The following RIF1 variants were observed in gnomAD, a reference collection of about 807,000 sequenced individuals.
RIF1 encodes replication timing regulatory factor 1, also known as telomere-associated protein RIF1.
A neutral mutation model predicts 247.1 loss-of-function variants in RIF1; 45 were observed. The observed-to-expected ratio is 0.18, with a 90% CI of 0.14 to 0.23. RIF1 has a LOEUF of 0.23. Ranked by LOEUF, RIF1 falls within the 10% of genes least tolerant of loss-of-function variation. The pLI, the probability that RIF1 is intolerant of heterozygous loss-of-function variation, is 1.00. For missense variants in RIF1, 2,967 were observed against 2,862.5 expected, an observed-to-expected ratio of 1.04 and a Z score of -0.83; for synonymous variants, 1,087 against 978.8, an observed-to-expected ratio of 1.11 and a Z score of -2.06.
At position 151,476,093 on chromosome 2, in the gene RIF1, A is replaced by T. The variant is rs1293076574; in HGVS notation, c.*1022A>T. On this transcript the variant is annotated 3_prime_UTR_variant, in exon 36 of 36. Coordinates refer to ENST00000444746, the MANE Select transcript of RIF1 (RefSeq NM_018151.5). ...AAAATGTTACACAACTTTGCTGTTC[A>T]TACCCTTACCTTCTTACTACTTTTG... 1 of 152,204 alleles carries T rather than the reference A, an allele frequency of 6.6e-6. No homozygotes were observed. Among genetic ancestry groups the T allele is most frequent in the Non-Finnish European group, 1.5e-5 (1 of 68,012 alleles). 9.4% of individuals were successfully genotyped at this position (152,204 alleles called of 1,614,324 possible).
the RIF1 span, chr2:151,530,606 C>A: frequency 6.1e-6 from 1 of 163,732 alleles, no homozygotes; most frequent in Non-Finnish European, 1.3e-5. Flanking sequence ...AAAATCAGTA[C>A]CTCAGGATAT....
chr2:151,504,754 A>G (rs755139831), intron 12 of RIF1, among the ~76,000 whole-genome samples: 2 of 152,214 alleles, frequency 1.3e-5, no homozygotes, highest in Non-Finnish European at 2.9e-5. Context: ...GGGTGGGTGC[A>G]GAGCCAGGGC....
At chr2:151,504,199 A>G (rs554150754) in intron 12 of RIF1, among the ~76,000 whole-genome samples, 2 of 152,316 alleles carry the variant, frequency 1.3e-5, no homozygotes, top group South Asian at 4.1e-4. Context: ...GTATTAGTGC[A>G]TGGCGTGGGG....
intron 8 of RIF1, among the ~76,000 whole-genome samples, chr2:151,424,253 G>T (rs751493394): frequency 6.6e-5 from 10 of 152,110 alleles, no homozygotes; most frequent in Admixed American, 2.0e-4. Context: ...ACAGGCATGT[G>T]CCAGTATGTC....
intron 10 of RIF1, chr2:151,496,939 A>C: frequency 6.4e-7 from 1 of 1,568,390 alleles, no homozygotes; most frequent in Non-Finnish European, 8.7e-7. Context: ...TTGCCCAAGT[A>C]CCGAGCTAAT....
intron 20 of RIF1, among the ~76,000 whole-genome samples, chr2:151,446,976 C>A (rs1272524812): frequency 6.2e-5 from 9 of 145,870 alleles, no homozygotes; most frequent in African/African-American, 2.3e-4. Flanking sequence ...CGGAGTCTCG[C>A]TCTGTCGCCC....
At chr2:151,499,787 TC>T (rs1424999424) in intron 11 of RIF1, among the ~76,000 whole-genome samples, 3 of 152,208 alleles carry the variant, frequency 2.0e-5, no homozygotes, top group Admixed American at 1.3e-4. Flanking sequence ...ACAGGCCAAA[TC>T]TATGCAATAT....
chr2:151,506,440 A>G, intron 13 of RIF1: 1 of 567,556 alleles, frequency 1.8e-6, no homozygotes, highest in Non-Finnish European at 3.1e-6. Flanking sequence ...CCAGTTATAC[A>G]ACATGGATCT....
chr2:151,449,515 G>A (rs967620222), intron 20 of RIF1, among the ~76,000 whole-genome samples: 1 of 151,818 alleles, frequency 6.6e-6, no homozygotes, highest in African/African-American at 2.4e-5. Flanking sequence ...CTATTCACAG[G>A]CACCATGCAC....
At chr2:151,509,960 C>T (rs1353590132), downstream of RIF1, among the ~76,000 whole-genome samples, 1 of 152,192 alleles carries the variant, frequency 6.6e-6, no homozygotes, top group Non-Finnish European at 1.5e-5. Context: ...GAAATTATCA[C>T]CAGGCCAACT....
chr2:151,520,429 T>C, the RIF1 span, among the ~76,000 whole-genome samples: 8 of 152,238 alleles, frequency 5.3e-5, no homozygotes, highest in African/African-American at 1.9e-4. Context: ...TTAGTATACA[T>C]AAAAATAAGT....
Position 151,478,450 on chromosome 2 carries a change from C to T in RIF1, c.*3379C>T, listed in dbSNP as rs967542751. On this transcript the variant is annotated 3_prime_UTR_variant, in exon 36 of 36. Transcript: ENST00000444746. ...GCAGTGAGCCGAGATCATGCCATTG[C>T]GCGACAGAGCAAGTCTCTGTCTCGC... 16 of 149,744 alleles carry T rather than the reference C, an allele frequency of 1.1e-4. No individual in the cohort carries two copies. Among genetic ancestry groups the T allele is most frequent in the Admixed American group, 9.3e-4 (14 of 15,012 alleles). 9.3% of individuals were successfully genotyped at this position (149,744 alleles called of 1,614,324 possible).
At chr2:151,529,808 G>T in the RIF1 span, among the ~76,000 whole-genome samples, 1 of 152,168 alleles carries the variant, frequency 6.6e-6, no homozygotes, top group African/African-American at 2.4e-5. Flanking sequence ...GGGATTACAG[G>T]TGTGAGCCAC....
the RIF1 span, chr2:151,531,192 T>C: frequency 2.4e-6 from 2 of 824,282 alleles, no homozygotes; most frequent in Admixed American, 4.2e-5. Context: ...TGAGTGAATA[T>C]AAAGGAAAGA....
the RIF1 span, chr2:151,527,336 C>A: frequency 1.4e-6 from 1 of 723,144 alleles, no homozygotes; most frequent in Admixed American, 2.9e-5. Context: ...GCTCGCCTAT[C>A]GCTCCCCCAA....
intron 14 of RIF1, among the ~76,000 whole-genome samples, chr2:151,439,711 T>A (rs1691909026): frequency 6.8e-6 from 1 of 147,622 alleles, no homozygotes; most frequent in African/African-American, 2.5e-5. Flanking sequence ...CAGCCAGGCA[T>A]GGTGGCTGAC....
intron 10 of RIF1, 44 bp from the exon 11 acceptor site, chr2:151,435,419 A>T (rs376249148): frequency 1.2e-4 from 129 of 1,052,424 alleles, no homozygotes; most frequent in Non-Finnish European, 1.8e-4. Context: ...AAAAACTGTG[A>T]CAGTTGTATA....
intron 20 of RIF1, among the ~76,000 whole-genome samples, chr2:151,449,558 C>T (rs1693902952): frequency 6.6e-6 from 1 of 152,100 alleles, no homozygotes; most frequent in Non-Finnish European, 1.5e-5. Flanking sequence ...TTCAAGCAGT[C>T]ATCCTGCTTC....
the RIF1 span, among the ~76,000 whole-genome samples, chr2:151,521,118 CACTA>C: frequency 9.2e-5 from 14 of 152,090 alleles, no homozygotes; most frequent in Non-Finnish European, 1.8e-4. Context: ...ATGAAAGACT[CACTA>C]ACACCAGTAC....
Sources: gnomAD v4.1 joint callset for allele counts (sites outside exome capture counted in the v4.1 genomes callset) on GRCh38, gnomAD v4.1.1 for gene constraint, MANE v1.5 for transcripts, NCBI Gene and HGNC (gene_info 2026-07-23, HGNC 2026-07-21) for gene names.